Variants in NTM observed in about 807,000 individuals in gnomAD.
NTM encodes IgLON family member 2.
In NTM, 13 loss-of-function variants were observed where a neutral mutation model predicts 42.1. That is an observed-to-expected ratio of 0.31 (90% CI 0.20 to 0.49). NTM has a LOEUF of 0.49. NTM is among the 20% of genes least tolerant of loss of function. The pLI, the probability that NTM is intolerant of heterozygous loss-of-function variation, is 0.99. For synonymous variants in NTM, 187 were observed against 179.2 expected (o/e 1.04, Z -0.35); for missense variants, 373 against 452.8 (o/e 0.82, Z 1.60).
At chr11:131,501,708 T>C (rs2046853067) in intron 1 of NTM, among the ~76,000 whole-genome samples, 1 of 151,818 alleles carries the variant, frequency 6.6e-6, no homozygotes, top group African/African-American at 2.4e-5. Context: ...GAGTGTGCTG[T>C]AAAGGTCCAG....
chr11:131,660,209 G>A (rs1274385651), intron 1 of NTM: 4 of 290,330 alleles, frequency 1.4e-5, no homozygotes, highest in East Asian at 7.9e-5. Flanking sequence ...TTTGCATCAT[G>A]TATTGAGGCA....
At chr11:131,624,625 G>A (rs1043565332) in intron 1 of NTM, among the ~76,000 whole-genome samples, 7 of 152,148 alleles carry the variant, frequency 4.6e-5, no homozygotes, top group Non-Finnish European at 1.0e-4. Flanking sequence ...TCATAGTGTT[G>A]TATTACTCAT....
At chr11:131,549,676 G>A (rs1355811617) in intron 1 of NTM, among the ~76,000 whole-genome samples, 1 of 152,164 alleles carries the variant, frequency 6.6e-6, no homozygotes, top group African/African-American at 2.4e-5. Flanking sequence ...CATGTGTTCA[G>A]GTGTCTTCGA....
intron 4 of NTM, among the ~76,000 whole-genome samples, chr11:132,258,094 C>T (rs1465807584): frequency 6.6e-6 from 1 of 152,214 alleles, no homozygotes; most frequent in Non-Finnish European, 1.5e-5. Flanking sequence ...AGCATGACTC[C>T]ATCCTCCAGG....
chr11:132,314,587 A>T lies in NTM; in HGVS notation c.818A>T (p.Asn273Ile), dbSNP rs2095373942. 6.2e-7 allele frequency: 1 copy of T among 1,613,580 alleles called. No individual in the cohort carries two copies. Among genetic ancestry groups the T allele is most frequent in the Non-Finnish European group, 8.5e-7 (1 of 1,179,750 alleles). ...GGAAAGAAAGGGGTGAAAGTGGAAA[A>T]CAGACCTTTCCTCTCAAAACTCATC... ...IEGKKGVKVE[N>I]RPFLSKLIFF... Residue 273 changes from asparagine to isoleucine, a missense_variant, in exon 7 of 9, where the codon AAC becomes ATC. Asn to Ile is a moderately radical substitution (Grantham distance 149). This residue lies in a region of NTM where 312 missense variants were observed against 353.5 expected (regional missense o/e 0.88). Coordinates refer to ENST00000683400, the MANE Select transcript of NTM (RefSeq NM_001352005.2).
intron 2 of NTM, among the ~76,000 whole-genome samples, chr11:132,054,571 C>A (rs1000263830): frequency 6.6e-6 from 1 of 152,148 alleles, no homozygotes; most frequent in South Asian, 2.1e-4. Context: ...GCAGAGTTAG[C>A]TCTCAATGAG....
chr11:132,016,589 A>G (rs2073452272), intron 2 of NTM, among the ~76,000 whole-genome samples: 1 of 152,002 alleles, frequency 6.6e-6, no homozygotes, highest in Non-Finnish European at 1.5e-5. Flanking sequence ...TATTATGAAT[A>G]ATGCTGCTAT....
At chr11:131,742,569 T>C (rs1249316866) in intron 1 of NTM, among the ~76,000 whole-genome samples, 2 of 151,254 alleles carry the variant, frequency 1.3e-5, no homozygotes, top group African/African-American at 2.4e-5. Flanking sequence ...ATAGAATCTA[T>C]GATTTTAGGC....
At chr11:131,691,072 A>G (rs889118447) in intron 1 of NTM, among the ~76,000 whole-genome samples, 4 of 152,156 alleles carry the variant, frequency 2.6e-5, no homozygotes, top group Admixed American at 6.5e-5. Context: ...CTCAGACCGC[A>G]GAGGATCCGG....
At chr11:131,409,947 CA>C (rs555874332) in intron 1 of NTM, among the ~76,000 whole-genome samples, 1 of 152,142 alleles carries the variant, frequency 6.6e-6, no homozygotes, top group African/African-American at 2.4e-5. Flanking sequence ...GCAATTAATA[CA>C]AAAAAGCAAG....
chr11:131,552,675 G>A (rs769949101), intron 1 of NTM, among the ~76,000 whole-genome samples: 9 of 151,810 alleles, frequency 5.9e-5, no homozygotes, highest in South Asian at 2.1e-4. Context: ...AAAATTAGCC[G>A]GGCATGGTGG....
At position 132,161,889 on chromosome 11, in the gene NTM, T is replaced by A. The variant is rs531388972; in HGVS notation, c.400+15375T>A. Among the ~76,000 whole-genome samples the A allele has an allele frequency of 3.9e-5, 6 of 152,290 alleles. No individual in the cohort carries two copies. In the East Asian group the frequency reaches 1.2e-3, roughly 29 times the overall value. On this transcript the variant is annotated intron_variant, in intron 3 of 8. Transcript: ENST00000683400. ...AGATAATCAGATGCACCTTTTTAAT[T>A]ATTTATTTTTCATTTCACTTAATAA...
In NTM at chr11:132,003,702, A is replaced by C. The variant is rs2069973858; in HGVS notation, c.167+92054A>C. Among the ~76,000 whole-genome samples the C allele has an allele frequency of 6.6e-6, 1 of 151,726 alleles. No homozygotes were observed. The highest frequency in any genetic ancestry group is 1.5e-5 in the Non-Finnish European group (1 of 67,922). ...TCTGTAGCTCAATCACATGTCCCAC[A>C]TGGAGCCCACTCTTTCCCATGGTAC... On this transcript the variant is annotated intron_variant, in intron 2 of 8. Coordinates refer to ENST00000683400, the MANE Select transcript of NTM (RefSeq NM_001352005.2). This position sits in a 1 kb window ranked among gnomAD's most constrained non-coding sequence, Gnocchi z 6.0.
chr11:131,997,466 G>A lies in NTM; in HGVS notation c.167+85818G>A, dbSNP rs553131053. 2.0e-4 allele frequency among the ~76,000 whole-genome samples: 31 copies of A among 152,312 alleles called. 1 individual carries two copies. In the South Asian group the frequency reaches 6.2e-3, roughly 31 times the overall value. On this transcript the variant is annotated intron_variant, in intron 2 of 8. Coordinates refer to ENST00000683400, the MANE Select transcript of NTM (RefSeq NM_001352005.2). ...CACATTGTCTCAGTAATCGTGACTT[G>A]AAAGGACCCTCGATGGGCCTCAGCT... is the stretch of plus-strand genomic sequence containing the variant.
chr11:131,789,937 CAG>C (rs1235869534), intron 1 of NTM, among the ~76,000 whole-genome samples: 1 of 108,440 alleles, frequency 9.2e-6, no homozygotes, highest in Non-Finnish European at 1.7e-5. Context: ...GCCTGGGCGA[CAG>C]AGCGAGACTC....
chr11:132,312,961 C>A (rs901859378), intron 6 of NTM, among the ~76,000 whole-genome samples: 4 of 152,118 alleles, frequency 2.6e-5, no homozygotes, highest in African/African-American at 9.7e-5. Context: ...AGGAAGGCTC[C>A]CAGAGGAACA....
At chr11:131,383,756 T>A (rs549224890) in intron 1 of NTM, among the ~76,000 whole-genome samples, 1 of 152,290 alleles carries the variant, frequency 6.6e-6, no homozygotes, top group South Asian at 2.1e-4. Context: ...CATGACCACA[T>A]TTGCAGTTGT....
intron 4 of NTM, among the ~76,000 whole-genome samples, chr11:132,301,818 A>G (rs188209836): frequency 7.7e-4 from 117 of 152,246 alleles, no homozygotes; most frequent in Admixed American, 2.2e-3. Context: ...ATCTTTTTCA[A>G]TTTCTGACGT....
At chr11:131,457,224 T>C (rs1174387160) in intron 1 of NTM, among the ~76,000 whole-genome samples, 2 of 152,112 alleles carry the variant, frequency 1.3e-5, no homozygotes, top group South Asian at 2.1e-4. Context: ...GAAGACTAAG[T>C]CCAAGAGAGT....
Sources: gnomAD v4.1 joint callset for allele counts (sites outside exome capture counted in the v4.1 genomes callset) on GRCh38, gnomAD v4.1.1 for gene constraint, gnomAD v4.1.1 regional missense constraint, Gnocchi (gnomAD v3.1) non-coding constraint, MANE v1.5 for transcripts, NCBI Gene and HGNC (gene_info 2026-07-23, HGNC 2026-07-21) for gene names.